Variants in TMEM108 observed in about 807,000 individuals in gnomAD.
TMEM108 encodes the protein transmembrane protein 108.
Under a neutral mutation model 35.1 loss-of-function variants are expected in TMEM108, and 12 were observed. The ratio of observed to expected loss-of-function variants is 0.34; its 90% confidence interval spans 0.22 to 0.55. TMEM108 has a LOEUF of 0.55. Among genes scored for constraint, TMEM108 ranks in the 20% least tolerant of loss-of-function variants. The pLI, the probability that TMEM108 is intolerant of heterozygous loss-of-function variation, is 0.89. For synonymous variants in TMEM108, 287 were observed against 308.6 expected (o/e 0.93, Z 0.73); for missense variants, 680 against 753.3 (o/e 0.90, Z 1.14).
intron 2 of TMEM108, among the ~76,000 whole-genome samples, chr3:133,078,758 A>G (rs1943775330): frequency 1.3e-5 from 2 of 152,226 alleles, no homozygotes; most frequent in African/African-American, 2.4e-5. Context: ...TTTACTAAAT[A>G]TGAAATGTTT....
At chr3:133,133,022 A>G (rs118107913) in intron 2 of TMEM108, among the ~76,000 whole-genome samples, 2 of 152,334 alleles carry the variant, frequency 1.3e-5, no homozygotes, top group South Asian at 2.1e-4. Flanking sequence ...ATAAAACTTG[A>G]AGGGATGAAG....
Position 133,346,659 on chromosome 3 carries a change from C to T in TMEM108, c.41-33093C>T, listed in dbSNP as rs990207671. The stretch of plus-strand genomic sequence containing the variant: ...AAGTTTTAAATTTAATAAAGTCCAG[C>T]TTATCATTTTTTTCTTTCATAGGCT... On this transcript the variant is annotated intron_variant, in intron 3 of 5. Coordinates refer to ENST00000321871, the MANE Select transcript of TMEM108 (RefSeq NM_023943.4). This position sits in a 1 kb window ranked among gnomAD's most constrained non-coding sequence, Gnocchi z 4.0. Among the ~76,000 whole-genome samples, 1 of 151,934 alleles carries T rather than the reference C, an allele frequency of 6.6e-6. No homozygotes were observed. The highest frequency in any genetic ancestry group is 1.5e-5 in the Non-Finnish European group (1 of 67,920).
At chr3:133,258,969 A>G (rs956761241) in intron 3 of TMEM108, among the ~76,000 whole-genome samples, 3 of 152,230 alleles carry the variant, frequency 2.0e-5, no homozygotes, top group Non-Finnish European at 4.4e-5. Context: ...TTGCAGGCCC[A>G]TATGCAATAA....
chr3:133,121,043 TAGA>T (rs1285240590), intron 2 of TMEM108: 1 of 152,260 alleles, frequency 6.6e-6, no homozygotes, highest in Non-Finnish European at 1.5e-5. Context: ...TTTGCTCACA[TAGA>T]AGAAGTGAAA....
At chr3:133,307,566 A>T (rs773287927) in intron 3 of TMEM108, among the ~76,000 whole-genome samples, 5 of 152,152 alleles carry the variant, frequency 3.3e-5, no homozygotes, top group Non-Finnish European at 7.3e-5. Context: ...TAAGGAAAAG[A>T]TCCAGTTTCA....
chr3:133,195,651 C>T (rs1945565399), intron 2 of TMEM108, among the ~76,000 whole-genome samples: 3 of 152,134 alleles, frequency 2.0e-5, no homozygotes. Flanking sequence ...TGGTAGTAGA[C>T]ATGCAGGAAA....
intron 2 of TMEM108, among the ~76,000 whole-genome samples, chr3:133,111,755 T>TA (rs1944227365): frequency 1.3e-5 from 2 of 152,196 alleles, no homozygotes; most frequent in Non-Finnish European, 2.9e-5. Context: ...ACAAGGTGGC[T>TA]TGTTCTTCAT....
At chr3:133,295,621 C>G (rs1248919535) in intron 3 of TMEM108, among the ~76,000 whole-genome samples, 1 of 152,126 alleles carries the variant, frequency 6.6e-6, no homozygotes, top group Non-Finnish European at 1.5e-5. Flanking sequence ...TTTGGTAAAA[C>G]CAGGCTTGGA....
intron 3 of TMEM108, chr3:133,246,611 C>T (rs1946389847): frequency 6.6e-6 from 1 of 152,298 alleles, no homozygotes; most frequent in Non-Finnish European, 1.5e-5. Context: ...TCACATAAAG[C>T]AGAGGACCTG....
chr3:133,041,092 G>A (rs1254848036), intron 1 of TMEM108, among the ~76,000 whole-genome samples: 1 of 152,166 alleles, frequency 6.6e-6, no homozygotes. Context: ...GGGAAGCATT[G>A]GGGAAAGAGG....
At chr3:133,325,997 A>G (rs1407581288) in intron 3 of TMEM108, among the ~76,000 whole-genome samples, 1 of 152,188 alleles carries the variant, frequency 6.6e-6, no homozygotes, top group Non-Finnish European at 1.5e-5. Context: ...GTATAAATAA[A>G]TAAGATTGAC....
chr3:133,326,681 A>G (rs893057852), intron 3 of TMEM108, among the ~76,000 whole-genome samples: 5 of 152,176 alleles, frequency 3.3e-5, no homozygotes, highest in Non-Finnish European at 5.9e-5. Flanking sequence ...ACTGGACTAC[A>G]TCTCCTAAAG....
At chr3:133,039,835 C>G (rs960277705) in intron 1 of TMEM108, among the ~76,000 whole-genome samples, 2 of 152,174 alleles carry the variant, frequency 1.3e-5, no homozygotes, top group Non-Finnish European at 2.9e-5. Context: ...CTCTTACATT[C>G]CCTGTACAAC....
intron 2 of TMEM108, among the ~76,000 whole-genome samples, chr3:133,179,061 A>T (rs1419994127): frequency 1.3e-5 from 2 of 152,178 alleles, no homozygotes; most frequent in Non-Finnish European, 2.9e-5. Flanking sequence ...AAAAATGCTC[A>T]TCATCACTGG....
intron 2 of TMEM108, among the ~76,000 whole-genome samples, chr3:133,178,347 C>G (rs529237396): frequency 6.6e-6 from 1 of 152,262 alleles, no homozygotes; most frequent in African/African-American, 2.4e-5. Flanking sequence ...GCCCACATTG[C>G]CACATCAATC....
At chr3:133,330,908 A>T (rs575576070) in intron 3 of TMEM108, among the ~76,000 whole-genome samples, 3 of 152,224 alleles carry the variant, frequency 2.0e-5, no homozygotes, top group Admixed American at 6.5e-5. Context: ...AGTAGACAAC[A>T]TAACATAGCA....
chr3:133,313,201 A>ATTTT (rs556757614), intron 3 of TMEM108, among the ~76,000 whole-genome samples: 1 of 144,788 alleles, frequency 6.9e-6, no homozygotes. Context: ...CATATATATA[A>ATTTT]TTTTTTTTTT....
intron 3 of TMEM108, among the ~76,000 whole-genome samples, chr3:133,369,963 T>C (rs1034083356): frequency 2.6e-5 from 4 of 152,196 alleles, no homozygotes; most frequent in Admixed American, 6.5e-5. Flanking sequence ...ATTTTAAAAA[T>C]ATATTTTTAA....
intron 2 of TMEM108, among the ~76,000 whole-genome samples, chr3:133,106,179 T>G (rs1944149935): frequency 6.7e-6 from 1 of 150,062 alleles, no homozygotes; most frequent in Non-Finnish European, 1.5e-5. Context: ...TTAAAGGTTT[T>G]TTTTTTTTTT....
Sources: allele counts gnomAD v4.1 joint callset (sites outside exome capture counted in the v4.1 genomes callset), GRCh38; gene constraint gnomAD v4.1.1; non-coding constraint Gnocchi (gnomAD v3.1); transcripts MANE v1.5; gene names NCBI Gene and HGNC (gene_info 2026-07-23, HGNC 2026-07-21).